The following RALGAPA1 variants were observed in gnomAD, a reference collection of about 807,000 sequenced individuals.
The protein encoded by RALGAPA1 is ral GTPase-activating protein subunit alpha-1.
Under a neutral mutation model 269.6 loss-of-function variants are expected in RALGAPA1, and 52 were observed. The observed-to-expected ratio is 0.19, with a 90% confidence interval of 0.15 to 0.24. RALGAPA1 has a LOEUF of 0.24. RALGAPA1 is among the 10% of genes least tolerant of loss of function. RALGAPA1 has a pLI of 1.00. For missense variants in RALGAPA1, 1,917 were observed against 3,013.9 expected (o/e 0.64, Z 8.52); for synonymous variants, 817 against 1,008.3 (o/e 0.81, Z 3.60).
At chr14:35,666,720 T>C (rs933683431) in intron 26 of RALGAPA1, among the ~76,000 whole-genome samples, 4 of 152,144 alleles carry the variant, frequency 2.6e-5, no homozygotes, top group African/African-American at 9.7e-5. Flanking sequence ...ATGCATAGTA[T>C]TAGATACACA....
intron 36 of RALGAPA1, among the ~76,000 whole-genome samples, chr14:35,602,883 C>T (rs1454605997): frequency 6.6e-6 from 1 of 152,070 alleles, no homozygotes; most frequent in East Asian, 1.9e-4. Flanking sequence ...TAGGTCTTAA[C>T]ATTTAGGTCT....
intron 36 of RALGAPA1, among the ~76,000 whole-genome samples, chr14:35,596,599 T>C (rs2058945109): frequency 6.6e-6 from 1 of 152,120 alleles, no homozygotes; most frequent in African/African-American, 2.4e-5. Context: ...ACATGTCAAA[T>C]ATCAGTGTCA....
chr14:35,785,215 A>G (rs1567225430), intron 1 of RALGAPA1, among the ~76,000 whole-genome samples: 1 of 152,240 alleles, frequency 6.6e-6, no homozygotes, highest in South Asian at 2.1e-4. Flanking sequence ...ATATAGGCAG[A>G]CATTTTATAA....
At chr14:35,650,700 G>T (rs2062770035) in intron 31 of RALGAPA1, among the ~76,000 whole-genome samples, 1 of 152,136 alleles carries the variant, frequency 6.6e-6, no homozygotes, top group African/African-American at 2.4e-5. Flanking sequence ...AAGAACATAA[G>T]CAGTAAATAA....
Position 35,635,542 on chromosome 14 carries a change from C to G in RALGAPA1, c.5733G>C (p.Lys1911Asn). Residue 1911 changes from lysine to asparagine, a missense_variant, in exon 32 of 42, where the codon AAG becomes AAC. Physicochemically the swap from Lys to Asn is moderately conservative, Grantham distance 94. Coordinates refer to ENST00000680220, the MANE Select transcript of RALGAPA1 (RefSeq NM_001346249.2). ...TAGCATGAAATGGTTGGAGCAGTGT[C>G]TTTAGAGGTAAGGCCATGATCCAGT... ...LLDWIMALPL[K>N]TLLQPFHATG... 6.2e-7 allele frequency: 1 copy of G among 1,608,216 alleles called. No homozygotes were observed. The highest frequency in any genetic ancestry group is 8.5e-7 in the Non-Finnish European group (1 of 1,177,268).
chr14:35,595,681 C>G lies in RALGAPA1; in HGVS notation c.7162G>C (p.Val2388Leu), dbSNP rs749243011. 4 of 1,612,510 alleles carry G rather than the reference C, an allele frequency of 2.5e-6. No homozygotes were observed. Among genetic ancestry groups the G allele is most frequent in the South Asian group, 2.2e-5 (2 of 90,998 alleles). ...GAATCAGAAGGCATTCTTGTTGACA[C>G]GTGAAATATTACCTCTACTGTAGAG... is the stretch of plus-strand genomic sequence containing the variant. ...ATSTVEVIFHVSTRMPSDSDD... is the reference protein window; with the variant it reads ...ATSTVEVIFHLSTRMPSDSDD... Residue 2388 changes from valine to leucine, a missense_variant, in exon 37 of 42, where the codon GTG (valine) becomes CTG (leucine). This residue lies in a region of RALGAPA1 where 132 missense variants were observed against 271.2 expected (regional missense o/e 0.49). Coordinates refer to ENST00000680220, the MANE Select transcript of RALGAPA1 (RefSeq NM_001346249.2).
intron 30 of RALGAPA1, among the ~76,000 whole-genome samples, chr14:35,653,784 T>C (rs899886603): frequency 6.6e-6 from 1 of 151,880 alleles, no homozygotes; most frequent in African/African-American, 2.4e-5. Context: ...ATGAAATACG[T>C]CAGGTGTTGC....
At chr14:35,563,735 GA>G (rs2056472665) in intron 39 of RALGAPA1, among the ~76,000 whole-genome samples, 1 of 152,070 alleles carries the variant, frequency 6.6e-6, no homozygotes, top group Admixed American at 6.5e-5. Context: ...GAATTATAAG[GA>G]ATATAACTTA....
intron 13 of RALGAPA1, 51 bp downstream of exon 13, chr14:35,728,311 C>A (rs2070157898): frequency 2.8e-6 from 4 of 1,426,470 alleles, no homozygotes; most frequent in South Asian, 1.9e-5. Context: ...AATTACTATA[C>A]CTGTGTACAC....
At chr14:35,713,550 A>G (rs1595272354) in intron 16 of RALGAPA1, among the ~76,000 whole-genome samples, 1 of 152,316 alleles carries the variant, frequency 6.6e-6, no homozygotes, top group East Asian at 1.9e-4. Context: ...ATGAGGAGGA[A>G]TCCAAAGTTT....
At chr14:35,735,583 TA>T (rs2070908393) in intron 12 of RALGAPA1, among the ~76,000 whole-genome samples, 1 of 152,042 alleles carries the variant, frequency 6.6e-6, no homozygotes, top group Admixed American at 6.6e-5. Context: ...GGGCAAGGGA[TA>T]AAAGACTGCA....
intron 31 of RALGAPA1, among the ~76,000 whole-genome samples, chr14:35,638,987 A>T (rs571893835): frequency 1.2e-3 from 183 of 150,044 alleles, no homozygotes; most frequent in Middle Eastern, 3.5e-3. Flanking sequence ...AATAGACTAA[A>T]CTCAATCAAA....
In RALGAPA1 at chr14:35,722,932, A is replaced by T. The variant is rs2069558513; in HGVS notation, c.2104+95T>A. On this transcript the variant is annotated intron_variant, in intron 15 of 41. Coordinates refer to ENST00000680220, the MANE Select transcript of RALGAPA1 (RefSeq NM_001346249.2). ...TTAAAAATAAAATATTTAAGATTCT[A>T]CTTATTTCACCCTCACCCCTCTCCC... The T allele has an allele frequency of 6.4e-6, 4 of 628,182 alleles. No homozygotes were observed. The Admixed American group carries it at 1.0e-4, about 16-fold the overall frequency. 38.9% of individuals were successfully genotyped at this position (628,182 alleles called of 1,614,324 possible). A position where few individuals can be genotyped will look rare whatever the true frequency, so the allele number is the denominator to read the frequency against.
chr14:35,546,073 A>G (rs2054428407), intron 41 of RALGAPA1, among the ~76,000 whole-genome samples: 1 of 152,184 alleles, frequency 6.6e-6, no homozygotes, highest in Admixed American at 6.5e-5. Flanking sequence ...AAAGTGTGAC[A>G]TCACGATATT....
At chr14:35,711,621 G>C (rs770407729) in intron 16 of RALGAPA1, among the ~76,000 whole-genome samples, 1 of 151,906 alleles carries the variant, frequency 6.6e-6, no homozygotes, top group African/African-American at 2.4e-5. Flanking sequence ...CTAATTTTTT[G>C]ATTTTTTTTG....
At chr14:35,565,346 ATATAT>A (rs1178326747) in intron 39 of RALGAPA1, among the ~76,000 whole-genome samples, 2 of 150,210 alleles carry the variant, frequency 1.3e-5, no homozygotes, top group South Asian at 2.1e-4. Context: ...AATATATAAC[ATATAT>A]TATACTCTTA....
intron 40 of RALGAPA1, 66 bp from the exon 41 acceptor site, chr14:35,548,604 G>T: frequency 9.1e-7 from 1 of 1,093,534 alleles, no homozygotes; most frequent in African/African-American, 1.6e-5. Context: ...GGAAGGCCAC[G>T]AGTCATTTAT....
intron 33 of RALGAPA1, among the ~76,000 whole-genome samples, chr14:35,630,322 G>A (rs777363858): frequency 7.3e-5 from 11 of 150,640 alleles, no homozygotes; most frequent in Admixed American, 3.3e-4. Context: ...GAGTCTTGCT[G>A]TGTCACCCAG....
intron 35 of RALGAPA1, among the ~76,000 whole-genome samples, chr14:35,611,401 C>T (rs1039118789): frequency 2.6e-5 from 4 of 151,890 alleles, no homozygotes; most frequent in African/African-American, 9.7e-5. Flanking sequence ...ACTCGGGAGG[C>T]TGAGGCAGGA....
Sources: gnomAD v4.1 joint callset for allele counts (sites outside exome capture counted in the v4.1 genomes callset) on GRCh38, gnomAD v4.1.1 for gene constraint, gnomAD v4.1.1 regional missense constraint, MANE v1.5 for transcripts, NCBI Gene and HGNC (gene_info 2026-07-23, HGNC 2026-07-21) for gene names.